Variants in NCOA1 observed in about 807,000 individuals in gnomAD.
NCOA1 encodes Hin-2 protein.
Under a neutral mutation model 150.9 loss-of-function variants are expected in NCOA1, and 35 were observed. The ratio of observed to expected loss-of-function variants is 0.23; its 90% CI spans 0.18 to 0.31. The LOEUF is 0.31. NCOA1 is among the 10% of genes least tolerant of loss of function. The pLI, the probability that NCOA1 is intolerant of heterozygous loss-of-function variation, is 1.00. For synonymous variants in NCOA1, 590 were observed against 630.0 expected (o/e 0.94, Z 0.95); for missense variants, 1,491 against 1,749.3 (o/e 0.85, Z 2.63).
intron 12 of NCOA1, among the ~76,000 whole-genome samples, chr2:24,705,950 T>C (rs1266041426): frequency 3.3e-5 from 5 of 152,232 alleles, no homozygotes; most frequent in East Asian, 1.9e-4. Flanking sequence ...GTGGTTTTTT[T>C]CTACTTTTAG....
chr2:24,549,484 C>A (rs867274281), intron 1 of NCOA1, among the ~76,000 whole-genome samples: 1 of 152,202 alleles, frequency 6.6e-6, no homozygotes, highest in African/African-American at 2.4e-5. Context: ...CAGATTTTTG[C>A]AGCCAGTTTG....
At chr2:24,762,850 T>G (rs12612839) in intron 22 of NCOA1, 74 bp downstream of exon 22, 83,680 of 1,342,282 alleles carry the variant, frequency 0.062, 3,252 homozygotes, top group East Asian at 0.15. Context: ...GTAGCATCAT[T>G]AAGAGCCTGA....
At chr2:24,545,262 A>C (rs1284906403) in intron 1 of NCOA1, among the ~76,000 whole-genome samples, 1 of 151,588 alleles carries the variant, frequency 6.6e-6, no homozygotes, top group Non-Finnish European at 1.5e-5. Context: ...AGAGTGCCAG[A>C]AAATAAGAAA....
chr2:24,580,522 T>C (rs1003004711), intron 2 of NCOA1, among the ~76,000 whole-genome samples: 13 of 152,348 alleles, frequency 8.5e-5, no homozygotes, highest in African/African-American at 3.1e-4. Context: ...AGTGATTCTT[T>C]CCTCTGTCCC....
intron 18 of NCOA1, among the ~76,000 whole-genome samples, chr2:24,741,044 T>C (rs1663575345): frequency 6.6e-6 from 1 of 152,186 alleles, no homozygotes. Context: ...AAAATAGCTG[T>C]TTCCATTTAT....
chr2:24,569,110 G>A (rs1666630908), intron 2 of NCOA1, among the ~76,000 whole-genome samples: 1 of 150,646 alleles, frequency 6.6e-6, no homozygotes, highest in Non-Finnish European at 1.5e-5. Context: ...AGGAGAATTG[G>A]CATTTAGTAA....
chr2:24,685,179 T>A (rs185894937), intron 8 of NCOA1, among the ~76,000 whole-genome samples: 17 of 152,244 alleles, frequency 1.1e-4, no homozygotes, highest in Admixed American at 6.5e-4. Context: ...ATTTGTTCTT[T>A]CCAAGGAGAA....
chr2:24,498,296 G>T (rs1256428243), intron 1 of NCOA1, among the ~76,000 whole-genome samples: 1 of 152,182 alleles, frequency 6.6e-6, no homozygotes, highest in African/African-American at 2.4e-5. Flanking sequence ...TCAAGGTGCT[G>T]TGCTGTAAAA....
rs142594575 is a variant in NCOA1 at position 24,746,697 on chromosome 2, A to G, written c.3706+4511A>G. Among the ~76,000 whole-genome samples the G allele has an allele frequency of 2.5e-3, 376 of 152,330 alleles. 2 individuals are homozygous for G. Among genetic ancestry groups the G allele is most frequent in the Non-Finnish European group, 4.3e-3 (291 of 68,042 alleles). On this transcript the variant is annotated intron_variant, in intron 19 of 22. Transcript: ENST00000348332. ...AGTATTCCTCTAATTCATTACCCACAGGCTAGTTCTTTCTGCTAAAACTGG... is the reference window on the plus strand; with the variant it reads ...AGTATTCCTCTAATTCATTACCCACGGGCTAGTTCTTTCTGCTAAAACTGG...
intron 3 of NCOA1, among the ~76,000 whole-genome samples, chr2:24,606,129 T>C (rs781256662): frequency 1.3e-5 from 2 of 152,188 alleles, no homozygotes; most frequent in African/African-American, 4.8e-5. Context: ...TCTGATGTTT[T>C]ACCAGTAATG....
At chr2:24,672,178 TA>T (rs915900793) in intron 6 of NCOA1, among the ~76,000 whole-genome samples, 23 of 151,894 alleles carry the variant, frequency 1.5e-4, no homozygotes, top group South Asian at 6.2e-4. Context: ...AGTAAAAGTA[TA>T]AAAAAATGCT....
At chr2:24,674,437 ACGT>A (rs1167382259) in intron 7 of NCOA1, among the ~76,000 whole-genome samples, 1 of 151,926 alleles carries the variant, frequency 6.6e-6, no homozygotes, top group African/African-American at 2.4e-5. Context: ...CGATCTCCTG[ACGT>A]CGTGATCCGC....
At chr2:24,652,587 A>G (rs1354872848) in intron 4 of NCOA1, among the ~76,000 whole-genome samples, 1 of 152,140 alleles carries the variant, frequency 6.6e-6, no homozygotes, top group Non-Finnish European at 1.5e-5. Context: ...TGAATGACAG[A>G]TTTCTTATGT....
At chr2:24,579,623 G>T (rs1263870365) in intron 2 of NCOA1, among the ~76,000 whole-genome samples, 1 of 152,138 alleles carries the variant, frequency 6.6e-6, no homozygotes, top group African/African-American at 2.4e-5. Context: ...TTTCCCTTAA[G>T]AGTTGTCACA....
At chr2:24,717,886 G>A (rs1674128133) in intron 14 of NCOA1, among the ~76,000 whole-genome samples, 2 of 150,140 alleles carry the variant, frequency 1.3e-5, no homozygotes, top group South Asian at 4.2e-4. Context: ...AAATCAGCAT[G>A]TGAAAAGATG....
intron 1 of NCOA1, among the ~76,000 whole-genome samples, chr2:24,559,768 C>T (rs543672975): frequency 3.9e-5 from 1 of 25,336 alleles, no homozygotes; most frequent in Non-Finnish European, 8.0e-5. Context: ...CTGCTCTGTA[C>T]TCCACCACCT....
chr2:24,698,876 T>C (rs2148576619), intron 11 of NCOA1, among the ~76,000 whole-genome samples: 1 of 152,334 alleles, frequency 6.6e-6, no homozygotes, highest in East Asian at 1.9e-4. Context: ...AGTTTGATTT[T>C]TTTTCTTCTT....
chr2:24,693,262 A>G lies in NCOA1; in HGVS notation c.723A>G (p.Ser241=), dbSNP rs763731600. The change falls in exon 10 of 23, where the codon TCA becomes TCG. Residue 241 remains serine, a synonymous_variant. Coordinates refer to ENST00000348332, the MANE Select transcript of NCOA1 (RefSeq NM_003743.5). ...TCTTGTTTTGGGCAGATTTCCAGTC[A>G]TGTCTGATTTGTATTGCACGGCGAT... ...SIQEDGEDFQ[S]CLICIARRLP... is the part of the protein sequence containing the mutation. 25 of 1,613,956 alleles carry G rather than the reference A, an allele frequency of 1.5e-5. No individual in the cohort carries two copies. The highest frequency in any genetic ancestry group is 2.0e-5 in the Non-Finnish European group (24 of 1,179,996).
chr2:24,677,871 CT>C (rs1009081329), intron 7 of NCOA1, among the ~76,000 whole-genome samples: 23 of 150,302 alleles, frequency 1.5e-4, no homozygotes, highest in Admixed American at 6.6e-4. Flanking sequence ...ATGTGCCACA[CT>C]TTTTTTTTTC....
Sources: allele counts gnomAD v4.1 joint callset (sites outside exome capture counted in the v4.1 genomes callset), GRCh38; gene constraint gnomAD v4.1.1; transcripts MANE v1.5; gene names NCBI Gene and HGNC (gene_info 2026-07-23, HGNC 2026-07-21).